Variants in PMFBP1 observed in about 807,000 individuals in gnomAD.
PMFBP1 encodes the protein polyamine-modulated factor 1-binding protein 1.
A neutral mutation model predicts 137.8 loss-of-function variants in PMFBP1; 131 were observed. That is an observed-to-expected ratio of 0.95 (90% CI 0.82 to 1.10). The LOEUF is 1.10. PMFBP1 is among the 50% of genes least tolerant of loss of function. The pLI, the probability that PMFBP1 is intolerant of heterozygous loss-of-function variation, is 0.00. For synonymous variants in PMFBP1, 490 were observed against 450.4 expected, an observed-to-expected ratio of 1.09 and a Z score of -1.11; for missense variants, 1,199 against 1,175.4, an observed-to-expected ratio of 1.02 and a Z score of -0.29.
chr16:72,193,781 A>G, the PMFBP1 span, among the ~76,000 whole-genome samples: 2 of 151,926 alleles, frequency 1.3e-5, no homozygotes, highest in African/African-American at 4.8e-5. Context: ...CTATTGAACA[A>G]AAATTCAAAC....
chr16:72,211,369 C>T, the PMFBP1 span, among the ~76,000 whole-genome samples: 1 of 152,166 alleles, frequency 6.6e-6, no homozygotes, highest in Non-Finnish European at 1.5e-5. Context: ...AACTAGATGG[C>T]CCTAGGGACT....
chr16:72,142,846 C>T (rs753529667), intron 5 of PMFBP1, among the ~76,000 whole-genome samples: 1 of 152,060 alleles, frequency 6.6e-6, no homozygotes, highest in Non-Finnish European at 1.5e-5. Context: ...GAAAAGCTTT[C>T]CAGCTCATTA....
intron 7 of PMFBP1, among the ~76,000 whole-genome samples, chr16:72,138,369 G>A (rs536509580): frequency 9.9e-5 from 15 of 152,262 alleles, no homozygotes; most frequent in African/African-American, 2.6e-4. Flanking sequence ...GTCTTGGGGC[G>A]TGCAGGCATG....
At chr16:72,116,771 C>T (rs1390280389), downstream of PMFBP1, among the ~76,000 whole-genome samples, 1 of 152,150 alleles carries the variant, frequency 6.6e-6, no homozygotes, top group Non-Finnish European at 1.5e-5. Flanking sequence ...TTCCCCATTT[C>T]ATAGTCTTGG....
the PMFBP1 span, among the ~76,000 whole-genome samples, chr16:72,234,647 G>C: frequency 6.6e-6 from 1 of 152,150 alleles, no homozygotes; most frequent in Non-Finnish European, 1.5e-5. Context: ...CGAGCAGCCT[G>C]CTATCAAGTG....
intron 4 of PMFBP1, among the ~76,000 whole-genome samples, chr16:72,153,339 C>T (rs1255012702): frequency 2.6e-5 from 4 of 152,192 alleles, no homozygotes; most frequent in Non-Finnish European, 5.9e-5. Flanking sequence ...TACCTAAAGT[C>T]CTTGAAGTTA....
the PMFBP1 span, among the ~76,000 whole-genome samples, chr16:72,194,405 A>G: frequency 2.0e-5 from 3 of 151,828 alleles, no homozygotes; most frequent in African/African-American, 7.3e-5. Flanking sequence ...CCATCCTTAG[A>G]TCTTTTCAAG....
At position 72,164,327 on chromosome 16, in the gene PMFBP1, G is replaced by A. The variant is rs938322115; in HGVS notation, c.165+437C>T. ...AAAGCTTGCAGGCAGTGAGACGCAG[G>A]TGCAGCAATAAAGACCCCCTGCTAC... On this transcript the variant is annotated intron_variant, in intron 3 of 20. Coordinates refer to ENST00000237353, the MANE Select transcript of PMFBP1 (RefSeq NM_031293.3). The A allele has an allele frequency of 8.5e-6, 9 of 1,054,404 alleles. No individual in the cohort carries two copies. In the African/African-American group the frequency reaches 1.3e-4, roughly 15 times the overall value. The allele number at this position is 1,054,404 out of a possible 1,614,324, so 65.3% of individuals were successfully genotyped here.
At chr16:72,218,496 G>T in the PMFBP1 span, among the ~76,000 whole-genome samples, 15 of 152,044 alleles carry the variant, frequency 9.9e-5, no homozygotes, top group Non-Finnish European at 1.8e-4. Context: ...GGCCAAGCTG[G>T]TCTCAAACTC....
At chr16:72,153,256 CTT>C (rs2144426430) in intron 4 of PMFBP1, among the ~76,000 whole-genome samples, 1 of 152,256 alleles carries the variant, frequency 6.6e-6, no homozygotes, top group African/African-American at 2.4e-5. Context: ...TCCTCCCACT[CTT>C]AATTCTTTTG....
intron 10 of PMFBP1, 155 bp downstream of exon 10, chr16:72,132,593 G>T: frequency 1.6e-6 from 2 of 1,227,840 alleles, no homozygotes; most frequent in East Asian, 2.4e-5. Flanking sequence ...GGTGGCCACT[G>T]CTGTGAGGTA....
At chr16:72,202,958 AC>A in the PMFBP1 span, among the ~76,000 whole-genome samples, 1 of 152,220 alleles carries the variant, frequency 6.6e-6, no homozygotes, top group African/African-American at 2.4e-5. Flanking sequence ...TGCAAGCTCA[AC>A]CTAGTGTCTG....
At chr16:72,116,784 T>C (rs1272192066), downstream of PMFBP1, among the ~76,000 whole-genome samples, 1 of 152,218 alleles carries the variant, frequency 6.6e-6, no homozygotes, top group Admixed American at 6.5e-5. Flanking sequence ...AGTCTTGGCA[T>C]CGTTGTCAAA....
At chr16:72,244,337 C>T in the PMFBP1 span, among the ~76,000 whole-genome samples, 9 of 152,090 alleles carry the variant, frequency 5.9e-5, no homozygotes. Context: ...GCTTCATTCC[C>T]AGTAGCTAGA....
the PMFBP1 span, among the ~76,000 whole-genome samples, chr16:72,234,878 A>G: frequency 6.6e-6 from 1 of 152,168 alleles, no homozygotes; most frequent in Non-Finnish European, 1.5e-5. Flanking sequence ...TTGCCCATTT[A>G]AAAATTGAAT....
chr16:72,144,662 C>T (rs547656938), intron 5 of PMFBP1, among the ~76,000 whole-genome samples: 1 of 152,052 alleles, frequency 6.6e-6, no homozygotes, highest in Admixed American at 6.5e-5. Flanking sequence ...TATAAAAGTG[C>T]TAAAGAAAAT....
chr16:72,118,486 TG>T (rs1424811701), downstream of PMFBP1, among the ~76,000 whole-genome samples: 5 of 152,188 alleles, frequency 3.3e-5, no homozygotes, highest in African/African-American at 1.2e-4. Flanking sequence ...TGCTAACCAG[TG>T]GGTTTCTTCC....
the PMFBP1 span, among the ~76,000 whole-genome samples, chr16:72,214,125 G>A: frequency 6.6e-6 from 1 of 152,158 alleles, no homozygotes; most frequent in Non-Finnish European, 1.5e-5. Context: ...AGTTGAAAGT[G>A]GTTGCCCTTG....
the PMFBP1 span, among the ~76,000 whole-genome samples, chr16:72,215,787 C>T: frequency 6.6e-6 from 1 of 152,128 alleles, no homozygotes; most frequent in African/African-American, 2.4e-5. Flanking sequence ...TTGGCTCATA[C>T]AAAAGGTTGG....
Sources: allele counts gnomAD v4.1 joint callset (sites outside exome capture counted in the v4.1 genomes callset), GRCh38; gene constraint gnomAD v4.1.1; transcripts MANE v1.5; gene names NCBI Gene and HGNC (gene_info 2026-07-23, HGNC 2026-07-21).